Variants in AGAP4 observed in about 807,000 individuals in gnomAD.
AGAP4 encodes the protein ArfGAP with GTPase domain, ankyrin repeat and PH domain 4, also known as arf-GAP with GTPase, ANK repeat and PH domain-containing protein 4.
A neutral mutation model predicts 60.7 loss-of-function variants in AGAP4; 13 were observed. That is an observed-to-expected ratio of 0.21 (90% CI 0.14 to 0.34). The LOEUF is 0.34. Ranked by LOEUF, AGAP4 falls within the 10% of genes least tolerant of loss-of-function variation. AGAP4 has a pLI of 1.00. For synonymous variants in AGAP4, 70 were observed against 339.0 expected (o/e 0.21, Z 8.72); for missense variants, 169 against 884.0 (o/e 0.19, Z 10.26).
At chr10:45,851,238 G>C (rs78965432), upstream of AGAP4, among the ~76,000 whole-genome samples, 2 of 151,628 alleles carry the variant, frequency 1.3e-5, no homozygotes, top group Non-Finnish European at 2.9e-5. Flanking sequence ...AGGGTGATTT[G>C]CACGGCATTA....
intron 4 of AGAP4, among the ~76,000 whole-genome samples, chr10:45,837,743 T>C (rs1213467418): frequency 6.6e-6 from 1 of 151,440 alleles, no homozygotes; most frequent in African/African-American, 2.4e-5. Flanking sequence ...GACATAAATC[T>C]ATGACCTGAA....
At chr10:45,852,246 A>G (rs1354996911), upstream of AGAP4, among the ~76,000 whole-genome samples, 1 of 142,384 alleles carries the variant, frequency 7.0e-6, no homozygotes, top group African/African-American at 2.6e-5. Flanking sequence ...AAAAAAAACT[A>G]CTGTGGGAAA....
intron 3 of AGAP4, among the ~76,000 whole-genome samples, chr10:45,842,365 C>T (rs1236912870): frequency 2.8e-4 from 43 of 150,992 alleles, no homozygotes; most frequent in East Asian, 7.9e-4. Flanking sequence ...CCTTAGCCTC[C>T]GGACTAGCTG....
intron 3 of AGAP4, among the ~76,000 whole-genome samples, chr10:45,843,841 A>G (rs2058958490): frequency 6.7e-6 from 1 of 149,650 alleles, no homozygotes; most frequent in Non-Finnish European, 1.5e-5. Context: ...GTAAACTTGG[A>G]TGTGGTAAAT....
At chr10:45,831,636 G>A (rs2058733194) in intron 5 of AGAP4, among the ~76,000 whole-genome samples, 1 of 125,580 alleles carries the variant, frequency 8.0e-6, no homozygotes, top group South Asian at 3.1e-4. Flanking sequence ...TATGCCGTTA[G>A]AAGACGCGTT....
intron 4 of AGAP4, among the ~76,000 whole-genome samples, chr10:45,838,648 T>C (rs1298144189): frequency 6.6e-6 from 1 of 150,766 alleles, no homozygotes. Context: ...TATAGTTAAC[T>C]GCAGCCTCAA....
intron 4 of AGAP4, among the ~76,000 whole-genome samples, chr10:45,840,058 C>T (rs1308575052): frequency 0.041 from 6,068 of 149,108 alleles, 510 homozygotes; most frequent in African/African-American, 0.14. Flanking sequence ...AAAAAATTCT[C>T]AAGAAGAGAT....
chr10:45,844,977 T>C lies in AGAP4; in HGVS notation c.293-583A>G, dbSNP rs1384573086. ...GAACATACACAGGCCTTATTTGTATTGGAAAGGGCCAAGTGAGACATACAT... is the reference window on the plus strand; with the variant it reads ...GAACATACACAGGCCTTATTTGTATCGGAAAGGGCCAAGTGAGACATACAT... On this transcript the variant is annotated intron_variant, in intron 2 of 7. Coordinates refer to ENST00000616763, the MANE Select transcript of AGAP4 (RefSeq NM_001276343.3). Among the ~76,000 whole-genome samples the C allele has an allele frequency of 7.1e-5, 8 of 113,028 alleles. 1 individual carries two copies. Among genetic ancestry groups the C allele is most frequent in the Admixed American group, 6.8e-4 (8 of 11,786 alleles). The allele number at this position is 113,028 out of a possible 152,430, so 74.2% of individuals were successfully genotyped here.
intron 4 of AGAP4, among the ~76,000 whole-genome samples, chr10:45,834,946 T>C (rs1395799371): frequency 6.8e-6 from 1 of 147,064 alleles, no homozygotes; most frequent in Non-Finnish European, 1.5e-5. Flanking sequence ...GCTAACTTTT[T>C]GTGTTTTTAG....
At chr10:45,834,423 C>T (rs1378143870) in intron 4 of AGAP4, among the ~76,000 whole-genome samples, 2 of 141,538 alleles carry the variant, frequency 1.4e-5, no homozygotes, top group Non-Finnish European at 3.0e-5. Flanking sequence ...CACCTGTAAT[C>T]CTAGCACTTT....
chr10:45,853,842 T>G (rs2135981995), exon 1 of AGAP4: 1 of 1,270,690 alleles, frequency 7.9e-7, no homozygotes, highest in Non-Finnish European at 1.0e-6. Context: ...GATGGGTCTA[T>G]TCTCATTACC....
At chr10:45,849,470 G>T (rs797025538), upstream of AGAP4, among the ~76,000 whole-genome samples, 3,088 of 146,138 alleles carry the variant, frequency 0.021, 28 homozygotes, top group Non-Finnish European at 0.026. Context: ...TGATGATGAT[G>T]ATGATTATTA....
At chr10:45,829,785 G>A (rs1268170438) in intron 6 of AGAP4, among the ~76,000 whole-genome samples, 2 of 150,634 alleles carry the variant, frequency 1.3e-5, no homozygotes, top group Admixed American at 1.3e-4. Context: ...TAAAATTTAA[G>A]CTTTCCTGTG....
Position 45,827,238 on chromosome 10 carries a change from C to A in AGAP4, c.738G>T (p.Arg246=). The A allele has an allele frequency of 6.5e-7, 1 of 1,539,300 alleles. No individual in the cohort carries two copies. The highest frequency in any genetic ancestry group is 8.8e-7 in the Non-Finnish European group (1 of 1,141,096). Residue 246 remains arginine, a synonymous_variant, in exon 8 of 8, where the codon CGG becomes CGT. Transcript: ENST00000616763. ...TANTPTPVCK[R]SMRWSNLFTS... ...TAAACAGGTTGGACCAGCGCATGGA[C>A]CGCTTGCAAACGGGGGTGGGTGTGT...
chr10:45,849,744 G>T (rs1242059652), upstream of AGAP4, among the ~76,000 whole-genome samples: 9 of 150,662 alleles, frequency 6.0e-5, no homozygotes, highest in Admixed American at 6.0e-4. Context: ...GGGCTCAAGC[G>T]ATTCTCCTGC....
Position 45,826,311 on chromosome 10 carries a change from TGAGG to T in AGAP4, c.1661_1664del (p.Pro554GlnfsTer61), listed in dbSNP as rs2135913849. ...CCTTCTCTTCCCTCGTGGACTTTTC[TGAGG>T]GTTTTGTCTGCCCCTGGCTGCTCCC... On this transcript the variant is annotated frameshift_variant, in exon 8 of 8. Coordinates refer to ENST00000616763, the MANE Select transcript of AGAP4 (RefSeq NM_001276343.3). LOFTEE classifies it high-confidence loss of function. 6.2e-7 allele frequency: 1 copy of T among 1,607,066 alleles called. No homozygotes were observed. The highest frequency in any genetic ancestry group is 2.2e-5 in the East Asian group (1 of 44,674).
At chr10:45,841,595 G>C (rs2058919713) in intron 4 of AGAP4, 58 bp downstream of exon 4, 3 of 832,872 alleles carry the variant, frequency 3.6e-6, no homozygotes, top group Admixed American at 3.1e-5. Flanking sequence ...AAGAAATCAA[G>C]AGAGACATCC....
intron 6 of AGAP4, among the ~76,000 whole-genome samples, chr10:45,829,307 T>A (rs1488609761): frequency 7.5e-6 from 1 of 132,696 alleles, no homozygotes; most frequent in Non-Finnish European, 1.6e-5. Context: ...ATATTCTGAA[T>A]AAGTGGAAAG....
chr10:45,834,024 T>G lies in AGAP4; in HGVS notation c.489A>C (p.Thr163=). The part of the protein sequence containing the change: ...STAIQHYLTM[T]IISVTLEIPH... Reference sequence around the variant, plus strand: ...AGCATAGTTGTACTCACGATATTATTGTCATTGTAAGATAATGCTGGATGG... The same window carrying G: ...AGCATAGTTGTACTCACGATATTATGGTCATTGTAAGATAATGCTGGATGG... Residue 163 remains threonine, a synonymous_variant, in exon 5 of 8, where the codon ACA becomes ACC. Coordinates refer to ENST00000616763, the MANE Select transcript of AGAP4 (RefSeq NM_001276343.3). 1 of 1,582,132 alleles carries G rather than the reference T, an allele frequency of 6.3e-7. No individual in the cohort carries two copies. Among genetic ancestry groups the G allele is most frequent in the South Asian group, 1.1e-5 (1 of 89,756 alleles).
Sources: allele counts gnomAD v4.1 joint callset (sites outside exome capture counted in the v4.1 genomes callset), GRCh38; gene constraint gnomAD v4.1.1; transcripts MANE v1.5; gene names NCBI Gene and HGNC (gene_info 2026-07-23, HGNC 2026-07-21).